The following CAMTA1 variants were observed in gnomAD, a reference collection of about 807,000 sequenced individuals.
CAMTA1 encodes calmodulin binding transcription activator 1.
In CAMTA1, 27 loss-of-function variants were observed where a neutral mutation model predicts 170.9. The ratio of observed to expected loss-of-function variants is 0.16; its 90% CI spans 0.12 to 0.22. CAMTA1 has a LOEUF of 0.22. Ranked by LOEUF, CAMTA1 falls within the 10% of genes least tolerant of loss-of-function variation. CAMTA1 has a pLI of 1.00. For synonymous variants in CAMTA1, 833 were observed against 891.5 expected, an observed-to-expected ratio of 0.93 and a Z score of 1.17; for missense variants, 1,619 against 2,217.2, an observed-to-expected ratio of 0.73 and a Z score of 5.42.
Position 7,738,277 on chromosome 1 carries a change from T to C in CAMTA1, c.3977T>C (p.Leu1326Pro), listed in dbSNP as rs2096785501. The C allele has an allele frequency of 6.2e-7, 1 of 1,613,968 alleles. No homozygotes were observed. Among genetic ancestry groups the C allele is most frequent in the African/African-American group, 1.3e-5 (1 of 74,908 alleles). The change falls in exon 16 of 23, where the codon CTT (leucine) becomes CCT (proline). Residue 1326 changes from leucine to proline, a missense_variant. Coordinates refer to ENST00000303635, the MANE Select transcript of CAMTA1 (RefSeq NM_015215.4). This position sits in a 1 kb window ranked among gnomAD's most constrained non-coding sequence, Gnocchi z 4.9. ...QPVGKWNSKDLYIGVSTVQVT... is the reference protein window; with the variant it reads ...QPVGKWNSKDPYIGVSTVQVT... ...GTAGGAAAGTGGAATTCCAAAGATC[T>C]TTACATTGGTGTGTCTACAGTACAG... is the stretch of plus-strand genomic sequence containing the variant.
At chr1:6,936,999 A>C (rs1007647607) in intron 3 of CAMTA1, among the ~76,000 whole-genome samples, 6 of 151,618 alleles carry the variant, frequency 4.0e-5, no homozygotes, top group Admixed American at 3.9e-4. Context: ...AAAAAAAGAC[A>C]AAAAAAACAG....
chr1:7,034,768 A>G (rs1420873120), intron 3 of CAMTA1, among the ~76,000 whole-genome samples: 1 of 152,166 alleles, frequency 6.6e-6, no homozygotes, highest in Non-Finnish European at 1.5e-5. Context: ...CAGATGTCTG[A>G]TATCTAGAGA....
chr1:7,761,426 A>ATTTTT (rs34659887), intron 22 of CAMTA1, among the ~76,000 whole-genome samples: 3 of 148,116 alleles, frequency 2.0e-5, no homozygotes, highest in Non-Finnish European at 3.0e-5. Flanking sequence ...TGCAGTTATA[A>ATTTTT]TTTTTTTTTT....
At chr1:7,095,587 G>A (rs1641985248) in intron 4 of CAMTA1, among the ~76,000 whole-genome samples, 1 of 152,236 alleles carries the variant, frequency 6.6e-6, no homozygotes, top group African/African-American at 2.4e-5. Context: ...TTGTGCCTGT[G>A]AAGGTTCCCA....
chr1:7,640,740 A>G (rs1029644114), intron 7 of CAMTA1, among the ~76,000 whole-genome samples, 187 bp downstream of exon 7: 2 of 152,202 alleles, frequency 1.3e-5, no homozygotes, highest in African/African-American at 4.8e-5. Flanking sequence ...AGCTCCCTAT[A>G]CAACAGCCAG....
At chr1:7,012,104 G>A (rs377182792) in intron 3 of CAMTA1, among the ~76,000 whole-genome samples, 3 of 152,252 alleles carry the variant, frequency 2.0e-5, no homozygotes, top group South Asian at 2.1e-4. Context: ...CTGTGCAGCC[G>A]GAGAGACACC....
intron 3 of CAMTA1, among the ~76,000 whole-genome samples, chr1:6,901,644 A>G (rs1676964736): frequency 6.6e-6 from 1 of 152,210 alleles, no homozygotes; most frequent in South Asian, 2.1e-4. Context: ...ATTGAAATGA[A>G]ACTAAAAACC....
intron 4 of CAMTA1, among the ~76,000 whole-genome samples, chr1:7,132,447 G>A (rs1293555108): frequency 6.6e-6 from 1 of 152,132 alleles, no homozygotes; most frequent in Non-Finnish European, 1.5e-5. Context: ...GCTGATTTTT[G>A]TATTTTTTGT....
chr1:6,915,720 A>G (rs1680635341), intron 3 of CAMTA1, among the ~76,000 whole-genome samples: 1 of 152,216 alleles, frequency 6.6e-6, no homozygotes, highest in South Asian at 2.1e-4. Flanking sequence ...CCTGTCAGCC[A>G]TGGCCACTGG....
rs1375298970 is a variant in CAMTA1, at chr1:7,065,452, A to C, written c.235-25852A>C. ...AAAGAATGGGGATGGGAATGGAGGAAGGAGAGAGGGCTGGAGGAAGAAAGG... is the reference window on the plus strand; with the variant it reads ...AAAGAATGGGGATGGGAATGGAGGACGGAGAGAGGGCTGGAGGAAGAAAGG... On this transcript the variant is annotated intron_variant, in intron 3 of 22. Coordinates refer to ENST00000303635, the MANE Select transcript of CAMTA1 (RefSeq NM_015215.4). This position sits in a 1 kb window ranked among gnomAD's most constrained non-coding sequence, Gnocchi z 5.2. Among the ~76,000 whole-genome samples, 1 of 152,176 alleles carries C rather than the reference A, an allele frequency of 6.6e-6. No homozygotes were observed. The highest frequency in any genetic ancestry group is 1.5e-5 in the Non-Finnish European group (1 of 68,020).
intron 9 of CAMTA1, among the ~76,000 whole-genome samples, chr1:7,669,258 C>G (rs959314513): frequency 2.6e-5 from 4 of 152,242 alleles, no homozygotes; most frequent in Non-Finnish European, 5.9e-5. Context: ...GTGGAATATG[C>G]TTTCCAGCCT....
chr1:6,936,985 T>TA (rs1685424192), intron 3 of CAMTA1, among the ~76,000 whole-genome samples: 1 of 151,572 alleles, frequency 6.6e-6, no homozygotes, highest in Non-Finnish European at 1.5e-5. Context: ...GAGACTCTGT[T>TA]TAAAAAAAAA....
chr1:7,154,681 AC>A (rs1646764007), intron 4 of CAMTA1, among the ~76,000 whole-genome samples: 2 of 152,264 alleles, frequency 1.3e-5, no homozygotes, highest in South Asian at 2.1e-4. Flanking sequence ...TGTGACACCC[AC>A]CCGAGTTCCG....
At chr1:6,840,404 G>A (rs1044257440) in intron 3 of CAMTA1, among the ~76,000 whole-genome samples, 19 of 152,158 alleles carry the variant, frequency 1.2e-4, no homozygotes, top group African/African-American at 4.6e-4. Flanking sequence ...TGGGGGTGGA[G>A]GGAGTGAGAA....
chr1:7,305,349 A>C (rs547985574), intron 5 of CAMTA1, among the ~76,000 whole-genome samples: 11 of 150,374 alleles, frequency 7.3e-5, no homozygotes, highest in Admixed American at 2.0e-4. Context: ...TATTTCTCTA[A>C]TACTCTTTGG....
intron 4 of CAMTA1, among the ~76,000 whole-genome samples, chr1:7,178,124 G>T (rs1452564469): frequency 6.6e-6 from 1 of 152,176 alleles, no homozygotes; most frequent in South Asian, 2.1e-4. Context: ...TGAGGAAAAG[G>T]CTTGAACACT....
intron 4 of CAMTA1, among the ~76,000 whole-genome samples, chr1:7,241,006 G>A (rs1375279948): frequency 6.6e-6 from 1 of 152,086 alleles, no homozygotes; most frequent in African/African-American, 2.4e-5. Context: ...AGAAGAAAGT[G>A]GAGTCACAGG....
At chr1:7,149,160 C>A (rs1403983329) in intron 4 of CAMTA1, among the ~76,000 whole-genome samples, 1 of 152,218 alleles carries the variant, frequency 6.6e-6, no homozygotes, top group Non-Finnish European at 1.5e-5. Context: ...AGCTAAACTG[C>A]CACTGAGTGG....
At position 7,561,831 on chromosome 1, in the gene CAMTA1, A is replaced by G. The variant is rs760078347; in HGVS notation, c.511-78569A>G. On this transcript the variant is annotated intron_variant, in intron 6 of 22. Transcript: ENST00000303635. The surrounding 1 kb of genome is among the most constrained non-coding windows in gnomAD (Gnocchi z 5.3). ...AGAAATGACTCGGGGATGGATGAGA[A>G]CGAACCCTCATCCCTGCCTGCACGC... Among the ~76,000 whole-genome samples the G allele has an allele frequency of 6.6e-6, 1 of 152,080 alleles. No individual in the cohort carries two copies. Among genetic ancestry groups the G allele is most frequent in the Non-Finnish European group, 1.5e-5 (1 of 67,986 alleles).
Sources: allele counts gnomAD v4.1 joint callset (sites outside exome capture counted in the v4.1 genomes callset), GRCh38; gene constraint gnomAD v4.1.1; non-coding constraint Gnocchi (gnomAD v3.1); transcripts MANE v1.5; gene names NCBI Gene and HGNC (gene_info 2026-07-23, HGNC 2026-07-21).